KCNQ5: variants seen among roughly 807,000 people sequenced by gnomAD.
The protein encoded by KCNQ5 is potassium voltage-gated channel subfamily KQT member 5.
A neutral mutation model predicts 98.2 loss-of-function variants in KCNQ5; 30 were observed. That is an observed-to-expected ratio of 0.31 (90% CI 0.23 to 0.41). KCNQ5 has a LOEUF of 0.41. Among genes scored for constraint, KCNQ5 ranks in the 10% least tolerant of loss-of-function variants. KCNQ5 has a pLI of 1.00. For synonymous variants in KCNQ5, 458 were observed against 449.4 expected (o/e 1.02, Z -0.24); for missense variants, 835 against 1,182.5 (o/e 0.71, Z 4.31).
At chr6:73,049,877 T>C (rs1240890129) in intron 3 of KCNQ5, among the ~76,000 whole-genome samples, 1 of 152,076 alleles carries the variant, frequency 6.6e-6, no homozygotes, top group African/African-American at 2.4e-5. Context: ...CTAGGGGCCA[T>C]TGTCTAAAGT....
intron 2 of KCNQ5, among the ~76,000 whole-genome samples, chr6:73,009,834 G>A (rs542196900): frequency 5.3e-4 from 80 of 152,172 alleles, no homozygotes; most frequent in African/African-American, 1.7e-3. Context: ...CAAAGAAATA[G>A]AAACCGAATA....
At chr6:73,031,670 T>C (rs982641064) in intron 2 of KCNQ5, among the ~76,000 whole-genome samples, 2 of 152,172 alleles carry the variant, frequency 1.3e-5, no homozygotes, top group Non-Finnish European at 2.9e-5. Flanking sequence ...CTTCCCCCAA[T>C]AGATTATAAA....
At chr6:72,759,551 T>A (rs1240561507) in intron 1 of KCNQ5, among the ~76,000 whole-genome samples, 1 of 152,138 alleles carries the variant, frequency 6.6e-6, no homozygotes, top group Non-Finnish European at 1.5e-5. Context: ...GTTTTGCCTG[T>A]ATGTAAATGG....
intron 1 of KCNQ5, among the ~76,000 whole-genome samples, chr6:72,862,501 A>T (rs560587725): frequency 6.6e-6 from 1 of 152,166 alleles, no homozygotes; most frequent in Admixed American, 6.5e-5. Context: ...CTTTCAAAAG[A>T]TTTTTTCTAA....
intron 6 of KCNQ5, among the ~76,000 whole-genome samples, chr6:73,108,245 C>T (rs955695870): frequency 2.0e-5 from 3 of 152,112 alleles, no homozygotes; most frequent in Admixed American, 2.0e-4. Context: ...ACAGAAGAAG[C>T]CCCAGCTCCC....
intron 1 of KCNQ5, among the ~76,000 whole-genome samples, chr6:72,849,827 T>C (rs185879615): frequency 6.5e-4 from 99 of 152,270 alleles, no homozygotes; most frequent in Non-Finnish European, 9.1e-4. Context: ...TACTCATGAA[T>C]CTTTTCTCTC....
chr6:72,842,303 G>A (rs1776830887), intron 1 of KCNQ5, among the ~76,000 whole-genome samples: 1 of 152,154 alleles, frequency 6.6e-6, no homozygotes. Flanking sequence ...TACGATAGCT[G>A]GCAAGTATTC....
intron 3 of KCNQ5, among the ~76,000 whole-genome samples, chr6:73,057,091 A>C (rs980471348): frequency 6.6e-6 from 1 of 152,218 alleles, no homozygotes; most frequent in African/African-American, 2.4e-5. Flanking sequence ...AAGTCCATCA[A>C]TGATAGACTG....
intron 1 of KCNQ5, among the ~76,000 whole-genome samples, chr6:72,812,194 T>C (rs1359747524): frequency 2.0e-5 from 3 of 152,208 alleles, no homozygotes; most frequent in Non-Finnish European, 2.9e-5. Context: ...TCCTGTTTTA[T>C]CCGCAGGGTC....
chr6:73,145,498 G>A (rs1776885632), intron 10 of KCNQ5, among the ~76,000 whole-genome samples: 2 of 152,142 alleles, frequency 1.3e-5, no homozygotes, highest in Non-Finnish European at 2.9e-5. Flanking sequence ...CAGTAAATAT[G>A]GCAAGTCTGC....
At chr6:72,936,925 T>A (rs1357403385) in intron 1 of KCNQ5, among the ~76,000 whole-genome samples, 1 of 152,204 alleles carries the variant, frequency 6.6e-6, no homozygotes, top group Non-Finnish European at 1.5e-5. Flanking sequence ...TGGATTTGCT[T>A]GTCTCTGTAA....
At chr6:72,762,633 A>C (rs1008977027) in intron 1 of KCNQ5, among the ~76,000 whole-genome samples, 1 of 152,088 alleles carries the variant, frequency 6.6e-6, no homozygotes, top group Non-Finnish European at 1.5e-5. Context: ...AATCTGCCAG[A>C]AAGCTGATTT....
intron 1 of KCNQ5, among the ~76,000 whole-genome samples, chr6:72,742,273 C>T (rs1323479698): frequency 2.0e-5 from 3 of 152,162 alleles, no homozygotes; most frequent in South Asian, 2.1e-4. Context: ...ATTCAAGGAT[C>T]GCCACATAAT....
intron 1 of KCNQ5, among the ~76,000 whole-genome samples, chr6:72,941,539 CTTCCTTTCCTTCT>C: frequency 7.1e-6 from 1 of 141,172 alleles, no homozygotes; most frequent in African/African-American, 2.8e-5. Flanking sequence ...TCCTTCCCTC[CTTCCTTTCCTTCT>C]TCCCTCCCTC....
chr6:72,872,005 A>T (rs1445757505), intron 1 of KCNQ5, among the ~76,000 whole-genome samples: 2 of 152,234 alleles, frequency 1.3e-5, no homozygotes, highest in African/African-American at 4.8e-5. Flanking sequence ...AGAAAGAAAG[A>T]GCAGCAAAAC....
At chr6:72,867,283 T>C (rs1261569550) in intron 1 of KCNQ5, among the ~76,000 whole-genome samples, 1 of 152,248 alleles carries the variant, frequency 6.6e-6, no homozygotes, top group East Asian at 1.9e-4. Context: ...GAAAATACTT[T>C]GGTTTTGTTT....
intron 1 of KCNQ5, among the ~76,000 whole-genome samples, chr6:72,642,946 A>T (rs960644412): frequency 3.3e-5 from 5 of 152,178 alleles, no homozygotes; most frequent in African/African-American, 4.8e-5. Context: ...GAATGAGCTT[A>T]TATCCTTTGC....
At chr6:72,834,445 G>A (rs1267296556) in intron 1 of KCNQ5, among the ~76,000 whole-genome samples, 2 of 152,216 alleles carry the variant, frequency 1.3e-5, no homozygotes, top group East Asian at 3.9e-4. Context: ...TTTACTGTTT[G>A]AGTAGAGACT....
At chr6:73,190,359 T>C (rs925581132) in intron 11 of KCNQ5, among the ~76,000 whole-genome samples, 1 of 152,194 alleles carries the variant, frequency 6.6e-6, no homozygotes, top group African/African-American at 2.4e-5. Flanking sequence ...TTTTTTAGTG[T>C]GTTTTTCTAT....
Sources: allele counts gnomAD v4.1 joint callset (sites outside exome capture counted in the v4.1 genomes callset), GRCh38; gene constraint gnomAD v4.1.1; transcripts MANE v1.5; gene names NCBI Gene and HGNC (gene_info 2026-07-23, HGNC 2026-07-21).